The following RCC1L variants were observed in gnomAD, a reference collection of about 807,000 sequenced individuals.
RCC1L encodes RCC1-like G exchanging factor-like protein.
Under a neutral mutation model 58.6 loss-of-function variants are expected in RCC1L, and 46 were observed. The ratio of observed to expected loss-of-function variants is 0.79; its 90% CI spans 0.62 to 1.00. The LOEUF (loss-of-function observed/expected upper bound fraction) is 1.00, where lower values mean the gene tolerates loss of function less well. Ranked by LOEUF, RCC1L falls within the 50% of genes least tolerant of loss-of-function variation. The pLI, the probability that RCC1L is intolerant of heterozygous loss-of-function variation, is 0.00. For synonymous variants in RCC1L, 281 were observed against 262.9 expected (o/e 1.07, Z -0.67); for missense variants, 636 against 623.6 (o/e 1.02, Z -0.21).
downstream of RCC1L, among the ~76,000 whole-genome samples, chr7:75,038,032 G>A (rs1239950724): frequency 1.3e-5 from 2 of 152,210 alleles, no homozygotes; most frequent in Non-Finnish European, 2.9e-5. Flanking sequence ...TCCCCTGGGA[G>A]GGAGAAAGCA....
intron 2 of RCC1L, among the ~76,000 whole-genome samples, chr7:75,068,196 G>T (rs969508500): frequency 1.3e-5 from 2 of 151,248 alleles, no homozygotes; most frequent in Non-Finnish European, 2.9e-5. Context: ...GCACATGCCT[G>T]TAAATCCCAG....
At chr7:75,031,815 C>T (rs1805313395) in intron 10 of RCC1L, among the ~76,000 whole-genome samples, 1 of 152,164 alleles carries the variant, frequency 6.6e-6, no homozygotes, top group African/African-American at 2.4e-5. Flanking sequence ...GATTCTGGCT[C>T]AGAGTCACTC....
At chr7:75,050,810 G>A (rs1185151889) in intron 10 of RCC1L, among the ~76,000 whole-genome samples, 6 of 152,064 alleles carry the variant, frequency 3.9e-5, no homozygotes, top group African/African-American at 7.2e-5. Context: ...GGCTAAAGTC[G>A]CCCGGGCGTG....
At chr7:75,061,317 G>T in intron 5 of RCC1L, 26 bp from the exon 6 acceptor site, 2 of 1,600,652 alleles carry the variant, frequency 1.2e-6, no homozygotes, top group Non-Finnish European at 1.7e-6. Flanking sequence ...AGGTAAGGGG[G>T]ATGAGAGGAA....
At chr7:75,046,130 C>G (rs1200525615) in intron 10 of RCC1L, among the ~76,000 whole-genome samples, 8 of 152,244 alleles carry the variant, frequency 5.3e-5, no homozygotes, top group Non-Finnish European at 1.2e-4. Context: ...CTGGCCACAG[C>G]AGATGGATGC....
intron 10 of RCC1L, among the ~76,000 whole-genome samples, chr7:75,044,599 G>GA (rs1169350324): frequency 0.7 from 28,198 of 40,434 alleles, 10,887 homozygotes; most frequent in East Asian, 0.84. Flanking sequence ...ACTCTGTCTC[G>GA]AAAAAAAAAA....
chr7:75,069,718 C>A (rs587677974), intron 2 of RCC1L, among the ~76,000 whole-genome samples: 1 of 152,160 alleles, frequency 6.6e-6, no homozygotes, highest in African/African-American at 2.4e-5. Flanking sequence ...TGCGTGCCAC[C>A]ATGCCCGGCT....
intron 2 of RCC1L, among the ~76,000 whole-genome samples, chr7:75,068,474 T>A (rs1382643983): frequency 1.3e-5 from 2 of 152,062 alleles, no homozygotes. Flanking sequence ...CCACTTGAGG[T>A]CAGGAGTTCA....
At position 75,070,600 on chromosome 7, in the gene RCC1L, A is replaced by G. The variant is rs142814055; in HGVS notation, c.454+40T>C. 2.4e-4 allele frequency: 379 copies of G among 1,610,104 alleles called. No individual in the cohort carries two copies. In the African/African-American group the frequency reaches 4.3e-3, roughly 18 times the overall value. On this transcript the variant is annotated intron_variant, in intron 2 of 10. Coordinates refer to ENST00000610322, the MANE Select transcript of RCC1L (RefSeq NM_030798.5). ...AAATACAAAAAAAGAGCTTTCTCAG[A>G]CCAATCCCGGCAAAGAGGAGACAAG...
rs1806269946 is a variant in RCC1L, at chr7:75,061,254, T to C, written c.740A>G (p.Asp247Gly). 1.9e-6 allele frequency: 3 copies of C among 1,613,758 alleles called. No individual in the cohort carries two copies. Among genetic ancestry groups the C allele is most frequent in the South Asian group, 2.2e-5 (2 of 91,060 alleles). ...TCCACAAGAATAGACTTCTCCTTTA[T>C]CCGTCAGGAACAGACTATGATCCTG... The part of the protein sequence containing the change: ...CGQDHSLFLT[D>G]KGEVYSCGWG... The change falls in exon 6 of 11, where the codon GAT becomes GGT. Residue 247 changes from aspartate (D) to glycine (G), a missense_variant. Coordinates refer to ENST00000610322, the MANE Select transcript of RCC1L (RefSeq NM_030798.5).
At chr7:75,037,518 T>A (rs1257049390), downstream of RCC1L, among the ~76,000 whole-genome samples, 1 of 147,802 alleles carries the variant, frequency 6.8e-6, no homozygotes, top group Non-Finnish European at 1.5e-5. Flanking sequence ...TTTTTTTTTT[T>A]TTGGGAGACG....
Position 75,046,580 on chromosome 7 carries a change from C to T in RCC1L, c.1318-3471G>A, listed in dbSNP as rs1402169776. Among the ~76,000 whole-genome samples the T allele has an allele frequency of 3.6e-4, 55 of 152,292 alleles. 1 individual carries two copies. The South Asian group carries it at 9.3e-3, about 26-fold the overall frequency. ...TCCCCAAGGTTCCAGCTCCCCCTGG[C>T]GGACAATCTCACACGGTCTCTGAAC... On this transcript the variant is annotated intron_variant, in intron 10 of 10. Transcript: ENST00000610322.
intron 3 of RCC1L, 194 bp from the exon 4 acceptor site, chr7:75,064,842 C>G: frequency 1.5e-6 from 1 of 650,008 alleles, no homozygotes; most frequent in South Asian, 1.7e-5. Flanking sequence ...CTAGACCCGC[C>G]TTCCCCTCCT....
rs1584503923 is a variant in RCC1L at position 75,066,789 on chromosome 7, C to T, written c.458G>A (p.Arg153Lys). 3 of 1,602,948 alleles carry T rather than the reference C, an allele frequency of 1.9e-6. No homozygotes were observed. The highest frequency in any genetic ancestry group is 2.6e-6 in the Non-Finnish European group (3 of 1,175,924). The change falls in exon 3 of 11, where the codon AGG (arginine) becomes AAG (lysine). Residue 153 changes from arginine (R) to lysine (K), a missense_variant. Physicochemically the swap from Arg to Lys is conservative, Grantham distance 26. Transcript: ENST00000610322. ...GFHRSRKDKT[R>K]GYEYVLEPSP... The stretch of plus-strand genomic sequence containing the variant: ...GGGCTCCAACACATACTCGTAGCCC[C>T]TCGCTGGAAAAGACACAGGACACTG...
At chr7:75,048,922 C>T (rs1176793777) in intron 10 of RCC1L, among the ~76,000 whole-genome samples, 1 of 152,160 alleles carries the variant, frequency 6.6e-6, no homozygotes, top group Non-Finnish European at 1.5e-5. Context: ...ATATGTGACC[C>T]TGGGAAACCA....
downstream of RCC1L, among the ~76,000 whole-genome samples, chr7:75,041,921 T>C (rs1805579741): frequency 1.3e-5 from 2 of 151,394 alleles, no homozygotes; most frequent in South Asian, 4.2e-4. Flanking sequence ...AGGACTGTCT[T>C]CTAAACTATT....
At chr7:75,034,238 G>C (rs1805384832) in intron 10 of RCC1L, among the ~76,000 whole-genome samples, 1 of 152,162 alleles carries the variant, frequency 6.6e-6, no homozygotes, top group East Asian at 1.9e-4. Context: ...GATTGCAGCT[G>C]GGCGTGGTGG....
At chr7:75,033,139 C>T (rs1196527070) in intron 10 of RCC1L, among the ~76,000 whole-genome samples, 1 of 151,492 alleles carries the variant, frequency 6.6e-6, no homozygotes, top group East Asian at 1.9e-4. Flanking sequence ...ATCCTGACTG[C>T]CCCAAAACTC....
chr7:75,052,613 G>T (rs1805946881), intron 10 of RCC1L, 98 bp downstream of exon 10: 11 of 1,145,766 alleles, frequency 9.6e-6, no homozygotes, highest in Admixed American at 6.0e-5. Flanking sequence ...AGGTCCCATG[G>T]CCCTCGTCCT....
Sources: allele counts gnomAD v4.1 joint callset (sites outside exome capture counted in the v4.1 genomes callset), GRCh38; gene constraint gnomAD v4.1.1; transcripts MANE v1.5; gene names NCBI Gene and HGNC (gene_info 2026-07-23, HGNC 2026-07-21).